Variants in CTNNA2 observed in about 807,000 individuals in gnomAD.
CTNNA2 encodes catenin alpha 2.
CTNNA2 carries 42 observed loss-of-function variants against 101.0 expected under a neutral mutation model. That is an observed-to-expected ratio of 0.42 (90% CI 0.32 to 0.54). The LOEUF (loss-of-function observed/expected upper bound fraction) is 0.54. Ranked by LOEUF, CTNNA2 falls within the 20% of genes least tolerant of loss-of-function variation. The pLI is 0.14. For missense variants in CTNNA2, 871 were observed against 1,223.1 expected (o/e 0.71, Z 4.29); for synonymous variants, 450 against 456.4 (o/e 0.99, Z 0.18).
At chr2:79,736,726 T>G (rs764427873) in intron 2 of CTNNA2, among the ~76,000 whole-genome samples, 7 of 152,186 alleles carry the variant, frequency 4.6e-5, no homozygotes, top group Non-Finnish European at 8.8e-5. Context: ...TTGTGTTAGC[T>G]GAGTAATCGT....
intron 3 of CTNNA2, among the ~76,000 whole-genome samples, chr2:79,793,500 C>T (rs1400161917): frequency 6.6e-6 from 1 of 152,184 alleles, no homozygotes; most frequent in Non-Finnish European, 1.5e-5. Context: ...GAATAGTAAA[C>T]ATTCCCCTTA....
chr2:79,638,491 T>C (rs1680230451), intron 1 of CTNNA2, among the ~76,000 whole-genome samples: 1 of 152,198 alleles, frequency 6.6e-6, no homozygotes, highest in South Asian at 2.1e-4. Flanking sequence ...TAGGCAAATA[T>C]AATTGCTGTA....
At chr2:79,247,217 G>A (rs747976440) in intron 2 of CTNNA2, among the ~76,000 whole-genome samples, 2 of 152,080 alleles carry the variant, frequency 1.3e-5, no homozygotes, top group African/African-American at 2.4e-5. Flanking sequence ...ACTTCATATC[G>A]CTAGTTTCTC....
chr2:79,664,530 A>G (rs935831830), intron 2 of CTNNA2, among the ~76,000 whole-genome samples: 19 of 152,258 alleles, frequency 1.2e-4, no homozygotes, highest in African/African-American at 4.3e-4. Context: ...TAACAAATAC[A>G]AATTCAAGAC....
intron 16 of CTNNA2, chr2:80,605,557 C>T (rs1384131861): frequency 6.6e-6 from 1 of 151,610 alleles, no homozygotes; most frequent in Non-Finnish European, 1.5e-5. Context: ...TTGTAGTTTT[C>T]CTCCCTCATT....
chr2:79,618,407 G>A (rs140449772), intron 1 of CTNNA2, among the ~76,000 whole-genome samples: 11 of 152,070 alleles, frequency 7.2e-5, no homozygotes, highest in East Asian at 1.9e-4. Context: ...CCCATGTTCC[G>A]AAGCAGCTCT....
chr2:80,161,710 T>C (rs1704333512), intron 7 of CTNNA2, among the ~76,000 whole-genome samples: 1 of 152,206 alleles, frequency 6.6e-6, no homozygotes, highest in African/African-American at 2.4e-5. Context: ...TTTTACCATT[T>C]TATCTAACTG....
At chr2:80,607,157 G>C (rs1266188569) in intron 16 of CTNNA2, among the ~76,000 whole-genome samples, 1 of 151,840 alleles carries the variant, frequency 6.6e-6, no homozygotes, top group African/African-American at 2.4e-5. Context: ...ACTTAGCTCA[G>C]AGTCTTTCTC....
intron 1 of CTNNA2, among the ~76,000 whole-genome samples, chr2:79,586,092 C>G (rs561929940): frequency 1.3e-5 from 2 of 152,030 alleles, no homozygotes; most frequent in African/African-American, 4.8e-5. Flanking sequence ...GAAATGGAAC[C>G]CCTGAAGGGG....
intron 3 of CTNNA2, among the ~76,000 whole-genome samples, chr2:79,822,877 C>T (rs1348759081): frequency 1.3e-5 from 2 of 152,176 alleles, no homozygotes; most frequent in African/African-American, 4.8e-5. Flanking sequence ...CTCTCCCTCC[C>T]TTCAGACACA....
rs550225146 is a variant in CTNNA2 at position 79,622,100 on chromosome 2, T to A, written c.-5-29452T>A. On this transcript the variant is annotated intron_variant, in intron 1 of 18. Transcript: ENST00000402739. ...CTGAGGAAATCTGAATAAAAGTACA[T>A]ACTTTAGTTAAAACAACAAACAAAA... Among the ~76,000 whole-genome samples the A allele has an allele frequency of 3.9e-5, 6 of 152,308 alleles. No individual in the cohort carries two copies. In the South Asian group the frequency reaches 1.2e-3, roughly 32 times the overall value.
intron 2 of CTNNA2, among the ~76,000 whole-genome samples, chr2:79,199,359 T>TAGTC (rs1235587116): frequency 2.0e-5 from 3 of 152,202 alleles, no homozygotes; most frequent in Non-Finnish European, 4.4e-5. Context: ...AACATTGATA[T>TAGTC]AGTCAGTAAT....
At chr2:80,600,109 G>T (rs998683716) in intron 15 of CTNNA2, among the ~76,000 whole-genome samples, 2 of 151,724 alleles carry the variant, frequency 1.3e-5, no homozygotes, top group Non-Finnish European at 2.9e-5. Flanking sequence ...AAAATTGTTC[G>T]GGAAAGGATT....
intron 7 of CTNNA2, among the ~76,000 whole-genome samples, chr2:80,121,610 T>C (rs941606219): frequency 6.6e-6 from 1 of 152,168 alleles, no homozygotes; most frequent in Non-Finnish European, 1.5e-5. Flanking sequence ...TGATGTTCAG[T>C]GGAGTTTCGT....
At chr2:79,793,240 A>T (rs1675423642) in intron 3 of CTNNA2, among the ~76,000 whole-genome samples, 1 of 152,250 alleles carries the variant, frequency 6.6e-6, no homozygotes, top group South Asian at 2.1e-4. Flanking sequence ...AAGCTGGTAG[A>T]TGACATAAGA....
At chr2:79,570,116 A>C (rs1006478272) in intron 1 of CTNNA2, among the ~76,000 whole-genome samples, 3 of 152,184 alleles carry the variant, frequency 2.0e-5, no homozygotes, top group African/African-American at 7.2e-5. Context: ...TATTGCAATT[A>C]CGGTAGATGG....
chr2:80,437,378 G>A (rs1267337344), intron 9 of CTNNA2, among the ~76,000 whole-genome samples: 1 of 152,150 alleles, frequency 6.6e-6, no homozygotes, highest in Non-Finnish European at 1.5e-5. Context: ...GTAAAATTTG[G>A]TTATGGAAAA....
intron 7 of CTNNA2, among the ~76,000 whole-genome samples, chr2:80,190,134 TTAA>T (rs890620744): frequency 2.6e-5 from 4 of 151,050 alleles, no homozygotes; most frequent in Admixed American, 6.6e-5. Flanking sequence ...TTAATAGGGG[TTAA>T]TGAGGTTAAC....
At chr2:80,532,147 G>T (rs1690599029) in intron 9 of CTNNA2, among the ~76,000 whole-genome samples, 1 of 152,196 alleles carries the variant, frequency 6.6e-6, no homozygotes, top group Admixed American at 6.5e-5. Context: ...TTGTCCTTAT[G>T]TATTTCCCCA....
Sources: gnomAD v4.1 joint callset for allele counts (sites outside exome capture counted in the v4.1 genomes callset) on GRCh38, gnomAD v4.1.1 for gene constraint, MANE v1.5 for transcripts, NCBI Gene and HGNC (gene_info 2026-07-23, HGNC 2026-07-21) for gene names.